NSMCE2: variants seen among roughly 807,000 people sequenced by gnomAD.
The protein encoded by NSMCE2 is E3 SUMO-protein ligase NSE2.
In NSMCE2, 24 loss-of-function variants were observed where a neutral mutation model predicts 23.8. That is an observed-to-expected ratio of 1.01 (90% CI 0.73 to 1.42). The LOEUF (loss-of-function observed/expected upper bound fraction) is 1.42. Ranked by LOEUF, NSMCE2 falls within the 40% of genes most tolerant of loss-of-function variation. NSMCE2 has a pLI of 0.00. For missense variants in NSMCE2, 284 were observed against 296.5 expected (o/e 0.96, Z 0.31); for synonymous variants, 92 against 94.1 (o/e 0.98, Z 0.13).
chr8:125,265,126 G>T (rs1412092643), intron 5 of NSMCE2, among the ~76,000 whole-genome samples: 1 of 150,802 alleles, frequency 6.6e-6, no homozygotes, highest in Non-Finnish European at 1.5e-5. Flanking sequence ...AGTGAATTAT[G>T]CCAGCTGCAA....
chr8:125,356,739 T>G (rs1813297759), intron 5 of NSMCE2, among the ~76,000 whole-genome samples: 1 of 152,224 alleles, frequency 6.6e-6, no homozygotes, highest in South Asian at 2.1e-4. Flanking sequence ...TACCTATAAC[T>G]AAAAAGTTTG....
chr8:125,201,926 A>G (rs533815581), intron 5 of NSMCE2, among the ~76,000 whole-genome samples: 6 of 150,708 alleles, frequency 4.0e-5, no homozygotes, highest in Admixed American at 3.3e-4. Context: ...CCCCCACCCC[A>G]TTCCCCCGCC....
At chr8:125,216,073 A>C (rs1824568090) in intron 5 of NSMCE2, among the ~76,000 whole-genome samples, 1 of 152,166 alleles carries the variant, frequency 6.6e-6, no homozygotes, top group Non-Finnish European at 1.5e-5. Flanking sequence ...AAACAAACAA[A>C]AAATTGTCCT....
chr8:125,316,438 A>T (rs1285974944), intron 5 of NSMCE2, among the ~76,000 whole-genome samples: 1 of 152,210 alleles, frequency 6.6e-6, no homozygotes, highest in East Asian at 1.9e-4. Flanking sequence ...TATGTTTATG[A>T]CACTACTGGC....
intron 7 of NSMCE2, among the ~76,000 whole-genome samples, chr8:125,360,380 T>C (rs1813482055): frequency 1.3e-5 from 2 of 152,144 alleles, no homozygotes; most frequent in African/African-American, 4.8e-5. Context: ...ACAAATGCAT[T>C]CACCAGCAGA....
intron 3 of NSMCE2, among the ~76,000 whole-genome samples, chr8:125,125,205 A>C (rs1418074486): frequency 6.6e-6 from 1 of 152,086 alleles, no homozygotes; most frequent in Non-Finnish European, 1.5e-5. Context: ...TAGAACCTGC[A>C]GTACAATGTT....
chr8:125,272,620 A>C (rs1827249195), intron 5 of NSMCE2, among the ~76,000 whole-genome samples: 1 of 148,742 alleles, frequency 6.7e-6, no homozygotes, highest in Non-Finnish European at 1.5e-5. Flanking sequence ...TTGTAGTATA[A>C]CCTTAACACT....
chr8:125,310,049 C>T lies in NSMCE2; in HGVS notation c.419-47170C>T, dbSNP rs191358524. 3.1e-3 allele frequency among the ~76,000 whole-genome samples: 466 copies of T among 152,274 alleles called. 2 individuals carry two copies. Among genetic ancestry groups the T allele is most frequent in the African/African-American group, 0.011 (448 of 41,564 alleles). On this transcript the variant is annotated intron_variant, in intron 5 of 7. Coordinates refer to ENST00000287437, the MANE Select transcript of NSMCE2 (RefSeq NM_173685.4). ...GACCCTCATCCTAGGTAAACAGAGACACTGAAGCAAAATTAGGTGTGATTA... is the reference window on the plus strand; with the variant it reads ...GACCCTCATCCTAGGTAAACAGAGATACTGAAGCAAAATTAGGTGTGATTA...
chr8:125,157,497 C>T (rs181067963), intron 4 of NSMCE2, among the ~76,000 whole-genome samples: 59 of 152,298 alleles, frequency 3.9e-4, no homozygotes, highest in African/African-American at 1.3e-3. Context: ...TCTGTGATTA[C>T]TGGTAATTAA....
chr8:125,265,324 C>T (rs1230831315), intron 5 of NSMCE2, among the ~76,000 whole-genome samples: 5 of 151,618 alleles, frequency 3.3e-5, no homozygotes, highest in Middle Eastern at 3.2e-3. Flanking sequence ...CAGGTTCAAG[C>T]GATTTTCCTA....
At chr8:125,294,177 C>A (rs7812933) in intron 5 of NSMCE2, among the ~76,000 whole-genome samples, 135,507 of 152,278 alleles carry the variant, frequency 0.89, 60,430 homozygotes, top group African/African-American at 0.95. Context: ...TCATTATATG[C>A]ATATACCACA....
At chr8:125,129,895 A>G (rs1169380766) in intron 3 of NSMCE2, among the ~76,000 whole-genome samples, 1 of 152,088 alleles carries the variant, frequency 6.6e-6, no homozygotes, top group African/African-American at 2.4e-5. Flanking sequence ...CTCAGTTGTT[A>G]AGAAGATCTT....
chr8:125,230,937 C>T (rs1213059906), intron 5 of NSMCE2, among the ~76,000 whole-genome samples: 1 of 152,180 alleles, frequency 6.6e-6, no homozygotes, highest in Non-Finnish European at 1.5e-5. Flanking sequence ...GTAGGTACAA[C>T]TGCCTTGGAT....
chr8:125,274,929 C>CA (rs36192929), intron 5 of NSMCE2, among the ~76,000 whole-genome samples: 12,643 of 59,598 alleles, frequency 0.21, 1,141 homozygotes, highest in African/African-American at 0.36. Context: ...GACTCAGTCT[C>CA]AAAAAAAAAA....
chr8:125,346,879 G>T (rs1216756924), intron 5 of NSMCE2, among the ~76,000 whole-genome samples: 1 of 152,210 alleles, frequency 6.6e-6, no homozygotes, highest in African/African-American at 2.4e-5. Context: ...GGACATGTCT[G>T]CAACAACAGT....
chr8:125,132,646 A>G (rs1324910275), intron 3 of NSMCE2, among the ~76,000 whole-genome samples: 1 of 152,020 alleles, frequency 6.6e-6, no homozygotes, highest in Non-Finnish European at 1.5e-5. Flanking sequence ...GATACACGCT[A>G]CCACACTCGG....
chr8:125,278,085 C>G (rs77314492), intron 5 of NSMCE2, among the ~76,000 whole-genome samples: 2,157 of 151,984 alleles, frequency 0.014, 47 homozygotes, highest in African/African-American at 0.05. Flanking sequence ...GCACATAGCC[C>G]GTGAAATATT....
chr8:125,138,882 G>A (rs924015240), intron 3 of NSMCE2, among the ~76,000 whole-genome samples: 1 of 152,166 alleles, frequency 6.6e-6, no homozygotes, highest in African/African-American at 2.4e-5. Flanking sequence ...AGAATTTACA[G>A]CCTGCTTCTG....
chr8:125,239,397 C>T (rs1825677178), intron 5 of NSMCE2, among the ~76,000 whole-genome samples: 1 of 151,926 alleles, frequency 6.6e-6, no homozygotes, highest in African/African-American at 2.4e-5. Context: ...TCACTTGAGG[C>T]CAGGATTTCG....
Sources: gnomAD v4.1 joint callset for allele counts (sites outside exome capture counted in the v4.1 genomes callset) on GRCh38, gnomAD v4.1.1 for gene constraint, MANE v1.5 for transcripts, NCBI Gene and HGNC (gene_info 2026-07-23, HGNC 2026-07-21) for gene names.